The following PEBP4 variants were observed in gnomAD, a reference collection of about 807,000 sequenced individuals.
PEBP4 encodes the protein phosphatidylethanolamine-binding protein 4.
A neutral mutation model predicts 23.9 loss-of-function variants in PEBP4; 22 were observed. The ratio of observed to expected loss-of-function variants is 0.92; its 90% confidence interval spans 0.66 to 1.31. PEBP4 has a LOEUF of 1.31. Ranked by LOEUF, PEBP4 falls within the 40% of genes most tolerant of loss-of-function variation. PEBP4 has a pLI of 0.00. For missense variants in PEBP4, 324 were observed against 281.7 expected, an observed-to-expected ratio of 1.15 and a Z score of -1.07; for synonymous variants, 112 against 99.3, an observed-to-expected ratio of 1.13 and a Z score of -0.76.
Position 22,865,475 on chromosome 8 carries a change from C to T in PEBP4, c.259-47740G>A, listed in dbSNP as rs1297096580. ...ACTTTCCCCGCCGCGAGGTGGAGCG[C>T]GCCACCGCCCCCCCGGCCGCGCAGC... On this transcript the variant is annotated intron_variant, in intron 3 of 6. Coordinates refer to ENST00000256404, the MANE Select transcript of PEBP4 (RefSeq NM_144962.3). The surrounding 1 kb of genome is among the most constrained non-coding windows in gnomAD (Gnocchi z 6.9). 6.6e-6 allele frequency among the ~76,000 whole-genome samples: 1 copy of T among 151,864 alleles called. No homozygotes were observed.
intron 4 of PEBP4, among the ~76,000 whole-genome samples, chr8:22,798,302 G>A (rs1313801830): frequency 4.6e-5 from 7 of 152,058 alleles, no homozygotes; most frequent in Non-Finnish European, 7.4e-5. Flanking sequence ...ACAACTTGCC[G>A]GTGAACACAC....
rs191463075 is a variant in PEBP4 at position 22,844,317 on chromosome 8, G to A, written c.259-26582C>T. 1.6e-3 allele frequency among the ~76,000 whole-genome samples: 244 copies of A among 152,296 alleles called. 1 individual carries two copies. Among genetic ancestry groups the A allele is most frequent in the Admixed American group, 9.9e-3 (151 of 15,290 alleles). ...TGCAAAGGCACGATCTCAGCTCACC[G>A]CAACCTCTGCCTCCCGGGTTCAAGC... On this transcript the variant is annotated intron_variant, in intron 3 of 6. Transcript: ENST00000256404.
chr8:22,766,316 A>G (rs1465768033), intron 4 of PEBP4, among the ~76,000 whole-genome samples: 3 of 152,230 alleles, frequency 2.0e-5, no homozygotes, highest in African/African-American at 7.2e-5. Flanking sequence ...AACAAAGTGG[A>G]AGAAGCTGGC....
At chr8:22,863,082 CTCT>C (rs1485505496) in intron 3 of PEBP4, among the ~76,000 whole-genome samples, 2 of 151,992 alleles carry the variant, frequency 1.3e-5, no homozygotes, top group Non-Finnish European at 2.9e-5. Context: ...TTACAGTAAC[CTCT>C]TCTTTTATTG....
chr8:22,909,504 C>T (rs1361524063), intron 3 of PEBP4, among the ~76,000 whole-genome samples: 1 of 152,182 alleles, frequency 6.6e-6, no homozygotes, highest in African/African-American at 2.4e-5. Flanking sequence ...CACCATTAAA[C>T]CATTTGTAAA....
intron 3 of PEBP4, chr8:22,884,220 G>A (rs540097957): frequency 6.6e-6 from 1 of 152,316 alleles, no homozygotes; most frequent in East Asian, 1.9e-4. Flanking sequence ...AAATGAAGAT[G>A]AAATGCACCT....
intron 4 of PEBP4, among the ~76,000 whole-genome samples, chr8:22,769,128 TCA>T (rs1474074728): frequency 6.6e-6 from 1 of 152,192 alleles, no homozygotes; most frequent in Non-Finnish European, 1.5e-5. Context: ...GTTGCCACCA[TCA>T]GTGACATGAG....
intron 3 of PEBP4, among the ~76,000 whole-genome samples, chr8:22,846,695 C>G (rs1332965887): frequency 6.6e-6 from 1 of 152,134 alleles, no homozygotes; most frequent in Non-Finnish European, 1.5e-5. Context: ...CCCACTGGGC[C>G]CGGAGTCTCC....
chr8:22,801,293 G>T (rs1431127331), intron 4 of PEBP4, among the ~76,000 whole-genome samples: 1 of 152,174 alleles, frequency 6.6e-6, no homozygotes, highest in Non-Finnish European at 1.5e-5. Flanking sequence ...GGTGCATGGT[G>T]TCTTTTATAG....
At chr8:22,753,108 A>G (rs1442457099) in intron 4 of PEBP4, among the ~76,000 whole-genome samples, 1 of 152,178 alleles carries the variant, frequency 6.6e-6, no homozygotes, top group Non-Finnish European at 1.5e-5. Flanking sequence ...GCGCACATTG[A>G]TCGAGTGCCT....
chr8:22,875,525 C>T (rs1300506503), intron 3 of PEBP4, among the ~76,000 whole-genome samples: 1 of 152,148 alleles, frequency 6.6e-6, no homozygotes, highest in Non-Finnish European at 1.5e-5. Context: ...GAGCCCCACT[C>T]CTTTTTATTT....
At chr8:22,867,819 C>T (rs931180072) in intron 3 of PEBP4, among the ~76,000 whole-genome samples, 3 of 152,210 alleles carry the variant, frequency 2.0e-5, no homozygotes, top group Non-Finnish European at 2.9e-5. Flanking sequence ...TGTGAAAACT[C>T]GGCTCTTGCT....
At chr8:22,888,406 G>A (rs1317163473) in intron 3 of PEBP4, among the ~76,000 whole-genome samples, 3 of 152,044 alleles carry the variant, frequency 2.0e-5, no homozygotes, top group Non-Finnish European at 4.4e-5. Flanking sequence ...TGCCCACCTC[G>A]GCCTCCCAAA....
chr8:22,735,239 T>C (rs1011549274), intron 4 of PEBP4, among the ~76,000 whole-genome samples: 8 of 152,160 alleles, frequency 5.3e-5, no homozygotes, highest in Non-Finnish European at 1.0e-4. Flanking sequence ...AATTGAGGCC[T>C]AGAGGCCATG....
chr8:22,884,374 G>C (rs1000818421), intron 3 of PEBP4: 1 of 152,228 alleles, frequency 6.6e-6, no homozygotes, highest in African/African-American at 2.4e-5. Flanking sequence ...GCAGGGCTTG[G>C]AGCCTGCTGT....
intron 3 of PEBP4, among the ~76,000 whole-genome samples, chr8:22,861,051 C>T (rs1340028136): frequency 1.3e-5 from 2 of 152,192 alleles, no homozygotes; most frequent in Admixed American, 1.3e-4. Context: ...ATTAAATTTG[C>T]ATTCCTTGGA....
chr8:22,737,507 A>G (rs1269203090), intron 4 of PEBP4, among the ~76,000 whole-genome samples: 1 of 152,022 alleles, frequency 6.6e-6, no homozygotes, highest in Non-Finnish European at 1.5e-5. Flanking sequence ...CCTCCAGGAA[A>G]TTCCCCGCTA....
intron 4 of PEBP4, among the ~76,000 whole-genome samples, chr8:22,807,898 C>CCAG (rs1806534009): frequency 6.0e-5 from 8 of 133,606 alleles, no homozygotes; most frequent in Non-Finnish European, 1.0e-4. Flanking sequence ...CATCCATCCA[C>CCAG]CCACCCAACC....
chr8:22,831,871 G>A (rs2128764175), intron 3 of PEBP4, among the ~76,000 whole-genome samples: 1 of 152,314 alleles, frequency 6.6e-6, no homozygotes, highest in Admixed American at 6.5e-5. Flanking sequence ...AAGGCCAAGA[G>A]GTGAAGTGGA....
Sources: allele counts gnomAD v4.1 joint callset (sites outside exome capture counted in the v4.1 genomes callset), GRCh38; gene constraint gnomAD v4.1.1; non-coding constraint Gnocchi (gnomAD v3.1); transcripts MANE v1.5; gene names NCBI Gene and HGNC (gene_info 2026-07-23, HGNC 2026-07-21).